CELF2: variants seen among roughly 807,000 people sequenced by gnomAD.
The protein encoded by CELF2 is CUG triplet repeat RNA-binding protein 2.
Under a neutral mutation model 62.6 loss-of-function variants are expected in CELF2, and 8 were observed. The ratio of observed to expected loss-of-function variants is 0.13; its 90% CI spans 0.07 to 0.23. CELF2 has a LOEUF of 0.23. Ranked by LOEUF, CELF2 falls within the 10% of genes least tolerant of loss-of-function variation. The pLI, the probability that CELF2 is intolerant of heterozygous loss-of-function variation, is 1.00. For synonymous variants in CELF2, 258 were observed against 250.0 expected (o/e 1.03, Z -0.30); for missense variants, 333 against 671.0 (o/e 0.50, Z 5.56).
At position 10,902,305 on chromosome 10, in the gene CELF2, C is replaced by T. The variant is rs541715843; in HGVS notation, c.54-17659C>T. Among the ~76,000 whole-genome samples, 210 of 152,298 alleles carry T rather than the reference C, an allele frequency of 1.4e-3. 1 individual carries two copies. The highest frequency in any genetic ancestry group is 4.9e-3 in the African/African-American group (204 of 41,566). On this transcript the variant is annotated intron_variant, in intron 1 of 13. Transcript: ENST00000636488. ...ATGTGTACATGAATGTTCATAGCAA[C>T]TCTATTTGTAAGAGCCAAAAAAATG... is the stretch of plus-strand genomic sequence containing the variant.
At chr10:10,917,073 T>C (rs760400444) in intron 1 of CELF2, among the ~76,000 whole-genome samples, 40 of 152,326 alleles carry the variant, frequency 2.6e-4, no homozygotes, top group African/African-American at 9.1e-4. Flanking sequence ...TTTTCCACAC[T>C]TGTATTTCAT....
chr10:11,246,938 A>G lies in CELF2; in HGVS notation c.355-2215A>G, dbSNP rs183418517. On this transcript the variant is annotated intron_variant, in intron 3 of 12. Transcript: ENST00000633077. The surrounding 1 kb of genome is among the most constrained non-coding windows in gnomAD (Gnocchi z 4.6). ...ACCTGCGCTCGTCAGCCGCCTCTGA[A>G]ACTCTTTGCTCATGCTTTCCCCATT... 3.5e-3 allele frequency among the ~76,000 whole-genome samples: 540 copies of G among 152,190 alleles called. 4 individuals carry two copies. The highest frequency in any genetic ancestry group is 0.012 in the African/African-American group (513 of 41,528).
At chr10:10,508,181 AAT>A in the CELF2 span, among the ~76,000 whole-genome samples, 8 of 143,638 alleles carry the variant, frequency 5.6e-5, no homozygotes, top group South Asian at 1.1e-3. Flanking sequence ...AAAAAAAAAA[AAT>A]ATTCATGCTC....
intron 1 of CELF2, among the ~76,000 whole-genome samples, chr10:11,024,150 A>G (rs2058758522): frequency 6.6e-6 from 1 of 152,196 alleles, no homozygotes; most frequent in African/African-American, 2.4e-5. Context: ...TTGGGTTTTA[A>G]ATGAAGAAAT....
Position 11,300,239 on chromosome 10 carries a change from C to G in CELF2, c.976+11687C>G, listed in dbSNP as rs2093590688. Among the ~76,000 whole-genome samples the G allele has an allele frequency of 6.6e-6, 1 of 152,152 alleles. No individual in the cohort carries two copies. The highest frequency in any genetic ancestry group is 1.5e-5 in the Non-Finnish European group (1 of 68,016). On this transcript the variant is annotated intron_variant, in intron 9 of 12. Coordinates refer to ENST00000633077, the MANE Select transcript of CELF2 (RefSeq NM_001326342.2). The surrounding 1 kb of genome is among the most constrained non-coding windows in gnomAD (Gnocchi z 5.5). Reference sequence around the variant, plus strand: ...GGAGCAGGTGCTGGCCCCTCACTTCCCCGCCTTCCACATGTGTGCCACCGT... The same window carrying G: ...GGAGCAGGTGCTGGCCCCTCACTTCGCCGCCTTCCACATGTGTGCCACCGT...
the CELF2 span, among the ~76,000 whole-genome samples, chr10:10,581,600 G>A: frequency 0.092 from 13,995 of 152,192 alleles, 935 homozygotes; most frequent in East Asian, 0.23. Flanking sequence ...CCAACAAGAA[G>A]GAGGATTGAG....
intron 3 of CELF2, 87 bp from the exon 4 acceptor site, chr10:11,249,065 AG>A: frequency 1.0e-6 from 1 of 1,004,686 alleles, no homozygotes; most frequent in Non-Finnish European, 1.6e-6. Flanking sequence ...CCCTTAAAAC[AG>A]TATCAGTAAT....
chr10:10,520,077 A>G, the CELF2 span, among the ~76,000 whole-genome samples: 3 of 152,168 alleles, frequency 2.0e-5, no homozygotes, highest in Non-Finnish European at 4.4e-5. Flanking sequence ...AAATCTTGCA[A>G]TGTACCCAGC....
intron 3 of CELF2, among the ~76,000 whole-genome samples, chr10:11,219,979 A>G (rs980740584): frequency 1.3e-5 from 2 of 152,266 alleles, no homozygotes; most frequent in Admixed American, 6.5e-5. Flanking sequence ...TTAAAGTTGT[A>G]CACTACTATT....
At chr10:10,476,248 C>T in the CELF2 span, among the ~76,000 whole-genome samples, 1 of 152,100 alleles carries the variant, frequency 6.6e-6, no homozygotes, top group East Asian at 1.9e-4. Context: ...TTTAGTCATA[C>T]AGCTCTGCCC....
chr10:11,293,696 A>G (rs890860046), intron 9 of CELF2, among the ~76,000 whole-genome samples: 1 of 152,214 alleles, frequency 6.6e-6, no homozygotes, highest in African/African-American at 2.4e-5. Flanking sequence ...CTTGCCCTCT[A>G]GCCAGTGAGT....
At chr10:10,644,861 A>T in the CELF2 span, among the ~76,000 whole-genome samples, 1 of 152,190 alleles carries the variant, frequency 6.6e-6, no homozygotes, top group East Asian at 1.9e-4. Context: ...GCAAATCAGC[A>T]GTGACTTAGA....
At chr10:11,299,612 A>G (rs948839311) in intron 9 of CELF2, among the ~76,000 whole-genome samples, 3 of 152,076 alleles carry the variant, frequency 2.0e-5, no homozygotes, top group Non-Finnish European at 2.9e-5. Context: ...TATGTATCCA[A>G]CTGCCTCTTT....
chr10:10,728,720 G>A, the CELF2 span, among the ~76,000 whole-genome samples: 1 of 152,096 alleles, frequency 6.6e-6, no homozygotes, highest in South Asian at 2.1e-4. Flanking sequence ...ACCTGTCTCT[G>A]GTATACAGTG....
the CELF2 span, among the ~76,000 whole-genome samples, chr10:10,648,753 G>A: frequency 1.3e-5 from 2 of 152,168 alleles, no homozygotes; most frequent in Non-Finnish European, 1.5e-5. Context: ...ATGATTGACC[G>A]TGGTACCCAG....
chr10:11,015,476 A>T (rs181895213), upstream of CELF2, among the ~76,000 whole-genome samples: 1 of 152,202 alleles, frequency 6.6e-6, no homozygotes, highest in Non-Finnish European at 1.5e-5. The surrounding 1 kb of genome is among the most constrained non-coding windows in gnomAD (Gnocchi z 4.8). Context: ...TGCCTATGCA[A>T]TCACTACATT....
At chr10:10,616,715 TGTGTGA>T in the CELF2 span, among the ~76,000 whole-genome samples, 659 of 131,662 alleles carry the variant, frequency 5.0e-3, 3 homozygotes, top group African/African-American at 0.013. Context: ...TGTGTGTGTG[TGTGTGA>T]GAGAGAGAGA....
rs554452420 is a variant in CELF2, at chr10:11,145,950, A to G, written c.75-19536A>G. Among the ~76,000 whole-genome samples the G allele has an allele frequency of 4.9e-4, 75 of 152,306 alleles. No individual in the cohort carries two copies. Among genetic ancestry groups the G allele is most frequent in the African/African-American group, 1.6e-3 (66 of 41,574 alleles). On this transcript the variant is annotated intron_variant, in intron 1 of 12. Coordinates refer to ENST00000633077, the MANE Select transcript of CELF2 (RefSeq NM_001326342.2). This position sits in a 1 kb window ranked among gnomAD's most constrained non-coding sequence, Gnocchi z 4.3. ...TAACTACTACTTAAAATCCAAGAAC[A>G]TTGTGAGAATACCTACCTGTACTCT...
rs1328056355 is a variant in CELF2 at position 11,244,780 on chromosome 10, A to G, written c.355-4373A>G. Reference sequence around the variant, plus strand: ...ATTTTCTCTTATTCTGTGCCTCCAAATAAATTGTTCTTTTCCCTGAAATGT... The same window carrying G: ...ATTTTCTCTTATTCTGTGCCTCCAAGTAAATTGTTCTTTTCCCTGAAATGT... On this transcript the variant is annotated intron_variant, in intron 3 of 12. Transcript: ENST00000633077. This position sits in a 1 kb window ranked among gnomAD's most constrained non-coding sequence, Gnocchi z 4.2. 6.6e-6 allele frequency among the ~76,000 whole-genome samples: 1 copy of G among 152,170 alleles called. No individual in the cohort carries two copies. The highest frequency in any genetic ancestry group is 1.5e-5 in the Non-Finnish European group (1 of 68,028).
Sources: allele counts gnomAD v4.1 joint callset (sites outside exome capture counted in the v4.1 genomes callset), GRCh38; gene constraint gnomAD v4.1.1; non-coding constraint Gnocchi (gnomAD v3.1); transcripts MANE v1.5; gene names NCBI Gene and HGNC (gene_info 2026-07-23, HGNC 2026-07-21).